The following MED12L variants were observed in gnomAD, a reference collection of about 807,000 sequenced individuals.
MED12L encodes the protein mediator complex subunit 12L, also known as mediator of RNA polymerase II transcription subunit 12-like protein.
In MED12L, 60 loss-of-function variants were observed where a neutral mutation model predicts 281.3. The ratio of observed to expected loss-of-function variants is 0.21; its 90% CI spans 0.17 to 0.26. The LOEUF (loss-of-function observed/expected upper bound fraction) is 0.26. MED12L is among the 10% of genes least tolerant of loss of function. The pLI is 1.00. For synonymous variants in MED12L, 974 were observed against 987.2 expected (o/e 0.99, Z 0.25); for missense variants, 2,146 against 2,680.9 (o/e 0.80, Z 4.41).
Position 151,214,197 on chromosome 3 carries a change from A to G in MED12L, c.2250+20531A>G, listed in dbSNP as rs758345914. 8 of 1,614,112 alleles carry G rather than the reference A, an allele frequency of 5.0e-6. No homozygotes were observed. In the East Asian group the frequency reaches 1.3e-4, roughly 27 times the overall value. On this transcript the variant is annotated intron_variant, in intron 16 of 44. Transcript: ENST00000687756. Reference sequence around the variant, plus strand: ...AAAAGAATATCCATCCTGACACTCCATTGAGTAGGATTCCTGCAATGAAGA... The same window carrying G: ...AAAAGAATATCCATCCTGACACTCCGTTGAGTAGGATTCCTGCAATGAAGA...
chr3:151,314,408 A>G (rs1490020706), intron 16 of MED12L, among the ~76,000 whole-genome samples: 1 of 152,204 alleles, frequency 6.6e-6, no homozygotes, highest in Non-Finnish European at 1.5e-5. Flanking sequence ...AAGGTCTGAG[A>G]GGTGGGTGCA....
intron 16 of MED12L, among the ~76,000 whole-genome samples, chr3:151,271,485 G>A (rs1484090180): frequency 6.6e-6 from 1 of 152,174 alleles, no homozygotes; most frequent in East Asian, 1.9e-4. Flanking sequence ...TTGTGACCTA[G>A]TAATTTCACT....
At chr3:151,397,951 A>T (rs1012865509) in intron 39 of MED12L, among the ~76,000 whole-genome samples, 2 of 152,154 alleles carry the variant, frequency 1.3e-5, no homozygotes, top group South Asian at 2.1e-4. Flanking sequence ...CAGGTTTTGG[A>T]TGTGACTGCT....
Position 151,272,251 on chromosome 3 carries a change from G to C in MED12L, c.2251-77808G>C, listed in dbSNP as rs546353625. On this transcript the variant is annotated intron_variant, in intron 16 of 44. Coordinates refer to ENST00000687756, the MANE Select transcript of MED12L (RefSeq NM_001393769.1). ...AGAGGTAAATGTTTTTAGGACTTGG[G>C]GATAAGATTTCTCAAATAGGGTCAA... Among the ~76,000 whole-genome samples the C allele has an allele frequency of 2.0e-5, 3 of 152,226 alleles. No homozygotes were observed. The South Asian group carries it at 6.2e-4, about 32-fold the overall frequency.
chr3:151,132,883 T>C (rs1715602137), intron 5 of MED12L, among the ~76,000 whole-genome samples: 1 of 152,242 alleles, frequency 6.6e-6, no homozygotes, highest in Non-Finnish European at 1.5e-5. Context: ...TGTGTAGACA[T>C]AGCCATAATG....
chr3:151,295,161 C>A, intron 16 of MED12L: 1 of 1,612,834 alleles, frequency 6.2e-7, no homozygotes, highest in Non-Finnish European at 8.5e-7. Context: ...TTTCCTGGCC[C>A]GTCGCTCCTG....
At chr3:151,316,234 A>G (rs1748216896) in intron 16 of MED12L, among the ~76,000 whole-genome samples, 1 of 152,224 alleles carries the variant, frequency 6.6e-6, no homozygotes. Flanking sequence ...ATAAACGATT[A>G]TGAAACAAAT....
intron 38 of MED12L, among the ~76,000 whole-genome samples, 187 bp from the exon 39 acceptor site, chr3:151,394,469 C>A (rs1714696600): frequency 6.6e-6 from 1 of 152,200 alleles, no homozygotes; most frequent in African/African-American, 2.4e-5. Context: ...CTACATCACT[C>A]CCCTCATCTT....
intron 37 of MED12L, 98 bp downstream of exon 37, chr3:151,388,270 G>A (rs1180279063): frequency 1.4e-6 from 2 of 1,446,720 alleles, no homozygotes; most frequent in African/African-American, 2.8e-5. Context: ...CCAAGAGCAG[G>A]ATAAGTTTTG....
chr3:151,378,033 A>G lies in MED12L; in HGVS notation c.4338A>G (p.Val1446=). Residue 1446 remains valine, a synonymous_variant, in exon 31 of 45, where the codon GTA becomes GTG. Coordinates refer to ENST00000687756, the MANE Select transcript of MED12L (RefSeq NM_001393769.1). ...TFLSSSERRG[V]WLVAPLIARL... The stretch of plus-strand genomic sequence containing the variant: ...TTAGTTCCTCCGAACGCAGGGGTGT[A>G]TGGTTGGTGGCCCCCCTCATCGCCA... 1.9e-6 allele frequency: 3 copies of G among 1,609,932 alleles called. No individual in the cohort carries two copies. The highest frequency in any genetic ancestry group is 1.7e-6 in the Non-Finnish European group (2 of 1,177,574).
chr3:151,426,110 C>T (rs1228747924), intron 43 of MED12L, among the ~76,000 whole-genome samples: 4 of 152,166 alleles, frequency 2.6e-5, no homozygotes, highest in African/African-American at 7.2e-5. Context: ...ATTTATTGAC[C>T]TGTTTTGGTA....
chr3:151,282,368 G>T (rs200658322), intron 16 of MED12L, among the ~76,000 whole-genome samples: 254 of 139,374 alleles, frequency 1.8e-3, no homozygotes, highest in African/African-American at 5.7e-3. Context: ...GTTTTTTTTT[G>T]TTTGTTTGTT....
intron 16 of MED12L, among the ~76,000 whole-genome samples, chr3:151,247,468 T>C (rs541437586): frequency 2.0e-5 from 3 of 151,836 alleles, no homozygotes; most frequent in Middle Eastern, 3.4e-3. Context: ...TGTAGGGACA[T>C]GGATGAAATT....
At chr3:151,297,685 A>G (rs1333915684) in intron 16 of MED12L, among the ~76,000 whole-genome samples, 6 of 152,166 alleles carry the variant, frequency 3.9e-5, no homozygotes, top group East Asian at 1.9e-4. Flanking sequence ...AAGAACCCCT[A>G]CTTCACAGTG....
intron 11 of MED12L, among the ~76,000 whole-genome samples, chr3:151,169,867 C>A (rs188138298): frequency 2.0e-4 from 30 of 152,296 alleles, no homozygotes; most frequent in Admixed American, 1.7e-3. Flanking sequence ...TGGAGGTTTG[C>A]TGTTACTAGA....
intron 16 of MED12L, among the ~76,000 whole-genome samples, chr3:151,246,257 T>G (rs553054924): frequency 6.6e-6 from 1 of 152,074 alleles, no homozygotes; most frequent in African/African-American, 2.4e-5. Context: ...CTTCACAGAA[T>G]TGGAAAAAAC....
intron 5 of MED12L, among the ~76,000 whole-genome samples, chr3:151,135,461 C>G (rs1003851189): frequency 1.3e-5 from 2 of 152,238 alleles, no homozygotes; most frequent in African/African-American, 4.8e-5. Flanking sequence ...ATTGATTATC[C>G]TGTGTTACTC....
chr3:151,397,980 G>C (rs1172336497), intron 39 of MED12L, among the ~76,000 whole-genome samples: 1 of 151,968 alleles, frequency 6.6e-6, no homozygotes, highest in Non-Finnish European at 1.5e-5. Flanking sequence ...CAGTTTTCTA[G>C]TAACCCACTG....
At chr3:151,181,059 GT>G (rs1177674202) in intron 11 of MED12L, among the ~76,000 whole-genome samples, 4 of 151,140 alleles carry the variant, frequency 2.6e-5, no homozygotes, top group African/African-American at 4.9e-5. Flanking sequence ...AAACACTTCT[GT>G]TTTCTCGGTG....
Sources: allele counts gnomAD v4.1 joint callset (sites outside exome capture counted in the v4.1 genomes callset), GRCh38; gene constraint gnomAD v4.1.1; transcripts MANE v1.5; gene names NCBI Gene and HGNC (gene_info 2026-07-23, HGNC 2026-07-21).